Variants in FCHO2 observed in about 807,000 individuals in gnomAD.
FCHO2 encodes F-BAR domain only protein 2.
A neutral mutation model predicts 114.1 loss-of-function variants in FCHO2; 43 were observed. The ratio of observed to expected loss-of-function variants is 0.38; its 90% CI spans 0.30 to 0.49. FCHO2 has a LOEUF of 0.49. Ranked by LOEUF, FCHO2 falls within the 20% of genes least tolerant of loss-of-function variation. FCHO2 has a pLI of 0.97. For missense variants in FCHO2, 807 were observed against 950.4 expected (o/e 0.85, Z 1.98); for synonymous variants, 293 against 315.2 (o/e 0.93, Z 0.75).
At chr5:73,041,635 G>A (rs188201927) in intron 11 of FCHO2, among the ~76,000 whole-genome samples, 7 of 152,084 alleles carry the variant, frequency 4.6e-5, no homozygotes, top group Non-Finnish European at 1.0e-4. Flanking sequence ...AAAATGTGGT[G>A]TTCTTACTAA....
chr5:73,070,862 T>G (rs1742610564), intron 19 of FCHO2, among the ~76,000 whole-genome samples: 1 of 152,092 alleles, frequency 6.6e-6, no homozygotes, highest in Admixed American at 6.6e-5. Flanking sequence ...TATTTTCTTT[T>G]TCTGCATTAT....
chr5:73,045,045 A>C (rs2112818584), intron 11 of FCHO2, among the ~76,000 whole-genome samples: 1 of 152,292 alleles, frequency 6.6e-6, no homozygotes, highest in South Asian at 2.1e-4. Flanking sequence ...TTTAAGAAAA[A>C]CTTTTTATTT....
At chr5:72,970,294 T>G (rs558859897) in intron 2 of FCHO2, among the ~76,000 whole-genome samples, 2 of 152,122 alleles carry the variant, frequency 1.3e-5, no homozygotes, top group Non-Finnish European at 2.9e-5. Flanking sequence ...TAGAAACAAT[T>G]AACAAAAATG....
chr5:73,049,167 C>T (rs576236697), intron 11 of FCHO2, among the ~76,000 whole-genome samples: 61 of 152,194 alleles, frequency 4.0e-4, no homozygotes, highest in Admixed American at 1.5e-3. Flanking sequence ...TGAGCCACCG[C>T]GCCCGGCCTG....
chr5:73,053,466 C>T (rs918761794), intron 13 of FCHO2, among the ~76,000 whole-genome samples: 2 of 152,080 alleles, frequency 1.3e-5, no homozygotes, highest in African/African-American at 2.4e-5. Context: ...GAGGCCGAGG[C>T]GGGTGGATCA....
intron 6 of FCHO2, among the ~76,000 whole-genome samples, chr5:73,012,294 A>G (rs1755060880): frequency 6.6e-6 from 1 of 152,152 alleles, no homozygotes; most frequent in African/African-American, 2.4e-5. Context: ...GTTGACAGAA[A>G]TGTCATTATG....
intron 8 of FCHO2, among the ~76,000 whole-genome samples, chr5:73,025,375 AT>A (rs367615996): frequency 0.074 from 7,407 of 100,426 alleles, 267 homozygotes; most frequent in East Asian, 0.32. Flanking sequence ...CACCCAGCTA[AT>A]TTTTTTTTTT....
intron 6 of FCHO2, among the ~76,000 whole-genome samples, chr5:73,007,331 T>G (rs1421045167): frequency 6.6e-6 from 1 of 152,250 alleles, no homozygotes; most frequent in Non-Finnish European, 1.5e-5. Context: ...CTTTTTGGAA[T>G]GTTCTTAGTT....
At chr5:72,956,241 G>A in intron 1 of FCHO2, 112 bp downstream of exon 1, 4 of 1,403,998 alleles carry the variant, frequency 2.8e-6, no homozygotes, top group Non-Finnish European at 3.8e-6. Flanking sequence ...CAGGGCGAGC[G>A]TCCTCCTGCC....
intron 2 of FCHO2, among the ~76,000 whole-genome samples, chr5:72,976,375 G>T (rs1023508365): frequency 6.6e-6 from 1 of 151,816 alleles, no homozygotes; most frequent in African/African-American, 2.4e-5. Flanking sequence ...CACTGCACCT[G>T]GCTTTTTTGT....
chr5:73,049,382 C>G (rs1757238712), intron 11 of FCHO2, among the ~76,000 whole-genome samples: 1 of 152,140 alleles, frequency 6.6e-6, no homozygotes, highest in African/African-American at 2.4e-5. Flanking sequence ...TGCTGGCATT[C>G]CTACCCAAAT....
chr5:73,078,460 G>A, intron 22 of FCHO2, 148 bp downstream of exon 22: 1 of 753,880 alleles, frequency 1.3e-6, no homozygotes, highest in Non-Finnish European at 2.1e-6. Context: ...TTATAAGCCA[G>A]TGGAGATTTT....
chr5:72,973,380 T>G (rs913129270), intron 2 of FCHO2, among the ~76,000 whole-genome samples: 1 of 152,188 alleles, frequency 6.6e-6, no homozygotes, highest in African/African-American at 2.4e-5. Flanking sequence ...CAATTTCAGA[T>G]CCTGTTATTG....
At chr5:73,059,760 A>G (rs1374366805) in intron 17 of FCHO2, among the ~76,000 whole-genome samples, 5 of 152,050 alleles carry the variant, frequency 3.3e-5, no homozygotes, top group African/African-American at 4.8e-5. Flanking sequence ...AAGTGGCTTT[A>G]TAGCCTTTCT....
At chr5:73,003,338 T>C (rs1754546073) in intron 5 of FCHO2, among the ~76,000 whole-genome samples, 1 of 152,078 alleles carries the variant, frequency 6.6e-6, no homozygotes, top group African/African-American at 2.4e-5. Context: ...TTTATTGTAT[T>C]TTATTTTTTT....
chr5:72,957,445 T>C (rs1047168187), intron 1 of FCHO2, among the ~76,000 whole-genome samples: 2 of 152,250 alleles, frequency 1.3e-5, no homozygotes, highest in African/African-American at 4.8e-5. Context: ...TTGTCTAGTC[T>C]GGACATATCC....
At chr5:73,036,080 A>T (rs907682539) in intron 9 of FCHO2, among the ~76,000 whole-genome samples, 4 of 152,200 alleles carry the variant, frequency 2.6e-5, no homozygotes, top group Admixed American at 1.3e-4. Context: ...TCCTGACCTT[A>T]GGTGATCCGC....
At chr5:73,078,134 T>G in intron 21 of FCHO2, 46 bp from the exon 22 acceptor site, 1 of 1,396,262 alleles carries the variant, frequency 7.2e-7, no homozygotes. Context: ...AGGCAAAACA[T>G]AAAGATAAGT....
intron 11 of FCHO2, among the ~76,000 whole-genome samples, chr5:73,044,324 G>T (rs141576415): frequency 3.3e-4 from 50 of 152,248 alleles, no homozygotes; most frequent in Non-Finnish European, 6.2e-4. Flanking sequence ...CTTCAGCCTC[G>T]ACCTCCCAGG....
Sources: gnomAD v4.1 joint callset for allele counts (sites outside exome capture counted in the v4.1 genomes callset) on GRCh38, gnomAD v4.1.1 for gene constraint, MANE v1.5 for transcripts, NCBI Gene and HGNC (gene_info 2026-07-23, HGNC 2026-07-21) for gene names.